Variants in PLLP observed in about 807,000 individuals in gnomAD.
The protein encoded by PLLP is plasma membrane proteolipid (plasmolipin).
In PLLP, 15 loss-of-function variants were observed where a neutral mutation model predicts 19.7. That is an observed-to-expected ratio of 0.76 (90% CI 0.51 to 1.17). The LOEUF (loss-of-function observed/expected upper bound fraction) is 1.17, where lower values mean the gene tolerates loss of function less well. Among genes scored for constraint, PLLP ranks in the 50% most tolerant of loss-of-function variants. PLLP has a pLI of 0.00. For synonymous variants in PLLP, 111 were observed against 116.3 expected, an observed-to-expected ratio of 0.95 and a Z score of 0.29; for missense variants, 255 against 258.3, an observed-to-expected ratio of 0.99 and a Z score of 0.09.
chr16:57,262,493 A>C (rs1006886113), intron 1 of PLLP, among the ~76,000 whole-genome samples: 1 of 152,142 alleles, frequency 6.6e-6, no homozygotes, highest in African/African-American at 2.4e-5. Context: ...CAGAGGTTGC[A>C]GTGAGCTGAG....
chr16:57,284,368 GC>G (rs1313052993), intron 1 of PLLP, 37 bp downstream of exon 1: 27 of 1,334,420 alleles, frequency 2.0e-5, no homozygotes, highest in Non-Finnish European at 2.2e-5. Context: ...CGGACCGGGA[GC>G]CCCCGGCCAA....
At chr16:57,278,613 G>A (rs1037615526) in intron 1 of PLLP, among the ~76,000 whole-genome samples, 2 of 152,120 alleles carry the variant, frequency 1.3e-5, no homozygotes, top group Admixed American at 1.3e-4. Flanking sequence ...TGGGGAGTGT[G>A]GGGGGAACTA....
At chr16:57,262,481 G>A (rs2075444867) in intron 1 of PLLP, among the ~76,000 whole-genome samples, 1 of 152,130 alleles carries the variant, frequency 6.6e-6, no homozygotes, top group Non-Finnish European at 1.5e-5. Context: ...GAATCTGGGA[G>A]GCAGAGGTTG....
intron 1 of PLLP, among the ~76,000 whole-genome samples, chr16:57,280,366 T>C (rs1280873018): frequency 6.6e-6 from 1 of 152,100 alleles, no homozygotes; most frequent in Non-Finnish European, 1.5e-5. Flanking sequence ...AAATGAGAGA[T>C]GGGCACCTAA....
At position 57,258,563 on chromosome 16, in the gene PLLP, C is replaced by T. The variant is rs747990637; in HGVS notation, c.331G>A (p.Ala111Thr). ...PLVLMIFNISATVLYITAFIA... is the reference protein window; with the variant it reads ...PLVLMIFNISTTVLYITAFIA... ...AAGGCGGTGATGTAGAGAACGGTGGCGCTGATGTTAAAGATCATTAACTGC... is the reference window on the plus strand; with the variant it reads ...AAGGCGGTGATGTAGAGAACGGTGGTGCTGATGTTAAAGATCATTAACTGC... Residue 111 changes from alanine (A) to threonine (T), a missense_variant, in exon 3 of 4, where the codon GCC becomes ACC. By Grantham distance (58) the Ala-to-Thr change is moderately conservative (BLOSUM62 0). Transcript: ENST00000219207. 18 of 1,612,672 alleles carry T rather than the reference C, an allele frequency of 1.1e-5. No homozygotes were observed. The highest frequency in any genetic ancestry group is 1.7e-4 in the Middle Eastern group (1 of 6,026).
chr16:57,284,101 C>A (rs1901251720), intron 1 of PLLP, among the ~76,000 whole-genome samples: 1 of 152,042 alleles, frequency 6.6e-6, no homozygotes. Context: ...CTTCTGTGGC[C>A]GCTGGTAACC....
chr16:57,269,584 G>A (rs1446481082), intron 1 of PLLP, among the ~76,000 whole-genome samples: 1 of 152,166 alleles, frequency 6.6e-6, no homozygotes, highest in African/African-American at 2.4e-5. Flanking sequence ...GAGGCAGGAA[G>A]GCAGCCGGGG....
chr16:57,264,192 C>T (rs763045368), intron 1 of PLLP, among the ~76,000 whole-genome samples: 8 of 151,788 alleles, frequency 5.3e-5, no homozygotes, highest in East Asian at 2.0e-4. Flanking sequence ...GGACAAGACT[C>T]GGGGGCCTGT....
At chr16:57,272,526 C>A (rs1051946682) in intron 1 of PLLP, among the ~76,000 whole-genome samples, 3 of 152,328 alleles carry the variant, frequency 2.0e-5, no homozygotes, top group Non-Finnish European at 4.4e-5. Context: ...CCTCGGCCTG[C>A]TGGAGGAATT....
chr16:57,275,965 G>A (rs976932141), intron 1 of PLLP, among the ~76,000 whole-genome samples: 60 of 152,118 alleles, frequency 3.9e-4, no homozygotes, highest in African/African-American at 1.4e-3. Flanking sequence ...AAAATTAGCT[G>A]GGCATGGTGA....
intron 2 of PLLP, among the ~76,000 whole-genome samples, chr16:57,260,787 C>T (rs1353496544): frequency 2.0e-5 from 3 of 152,192 alleles, no homozygotes; most frequent in Admixed American, 6.5e-5. Flanking sequence ...CTGGGGCAAA[C>T]CTGGGGAGCC....
At chr16:57,264,948 G>T (rs1257246705) in intron 1 of PLLP, among the ~76,000 whole-genome samples, 2 of 152,218 alleles carry the variant, frequency 1.3e-5, no homozygotes, top group African/African-American at 4.8e-5. Context: ...ACTGCCCCTG[G>T]CCTTGCCTCC....
chr16:57,279,362 CT>C (rs796106110), intron 1 of PLLP, among the ~76,000 whole-genome samples: 203 of 134,134 alleles, frequency 1.5e-3, no homozygotes, highest in South Asian at 3.1e-3. Flanking sequence ...CTTCTTCTTC[CT>C]TTTTTTTTTT....
intron 1 of PLLP, among the ~76,000 whole-genome samples, chr16:57,281,056 C>G (rs925365298): frequency 4.3e-4 from 65 of 152,224 alleles, no homozygotes; most frequent in African/African-American, 1.5e-3. Context: ...GCAGCCTTCT[C>G]TGATCCCTCT....
chr16:57,269,488 T>C (rs1332525859), intron 1 of PLLP, among the ~76,000 whole-genome samples: 3 of 152,028 alleles, frequency 2.0e-5, no homozygotes, highest in Admixed American at 6.6e-5. Flanking sequence ...AAAGAAAACA[T>C]TAAAAGCCAT....
At chr16:57,275,093 TCACACACACACACACACACACA>T (rs60029615) in intron 1 of PLLP, among the ~76,000 whole-genome samples, 1 of 121,362 alleles carries the variant, frequency 8.2e-6, no homozygotes, top group Non-Finnish European at 1.8e-5. Context: ...TCCAGGGACT[TCACACACACACACACACACACA>T]CACACACACA....
chr16:57,258,182 G>A (rs1442957382), intron 3 of PLLP, among the ~76,000 whole-genome samples: 2 of 152,166 alleles, frequency 1.3e-5, no homozygotes, highest in Admixed American at 1.3e-4. Flanking sequence ...AGTGAGCTGA[G>A]ATCACGTCAC....
intron 1 of PLLP, among the ~76,000 whole-genome samples, chr16:57,279,553 C>CCGCAAGG (rs1901193390): frequency 6.6e-6 from 1 of 151,938 alleles, no homozygotes; most frequent in African/African-American, 2.4e-5. Context: ...ATGTACCTGT[C>CCGCAAGG]GTCCCAGATA....
chr16:57,262,288 A>G (rs569696497), intron 1 of PLLP, among the ~76,000 whole-genome samples: 20 of 152,260 alleles, frequency 1.3e-4, no homozygotes, highest in African/African-American at 4.6e-4. Context: ...GCAGTGGCTC[A>G]CGTCTGTAAT....
Sources: gnomAD v4.1 joint callset for allele counts (sites outside exome capture counted in the v4.1 genomes callset) on GRCh38, gnomAD v4.1.1 for gene constraint, MANE v1.5 for transcripts, NCBI Gene and HGNC (gene_info 2026-07-23, HGNC 2026-07-21) for gene names.